TUBD1: variants seen among roughly 807,000 people sequenced by gnomAD.
TUBD1 encodes tubulin delta chain.
Under a neutral mutation model 51.2 loss-of-function variants are expected in TUBD1, and 38 were observed. The ratio of observed to expected loss-of-function variants is 0.74; its 90% CI spans 0.57 to 0.97. The LOEUF (loss-of-function observed/expected upper bound fraction) is 0.97, where lower values mean the gene tolerates loss of function less well. Among genes scored for constraint, TUBD1 ranks in the 50% least tolerant of loss-of-function variants. The pLI, the probability that TUBD1 is intolerant of heterozygous loss-of-function variation, is 0.00. For synonymous variants in TUBD1, 169 were observed against 178.2 expected (o/e 0.95, Z 0.41); for missense variants, 489 against 538.4 (o/e 0.91, Z 0.91).
chr17:59,885,684 G>C, intron 3 of TUBD1: 1 of 611,360 alleles, frequency 1.6e-6, no homozygotes, highest in East Asian at 2.9e-5. Flanking sequence ...ACAAAAATCA[G>C]AATCTCTCAA....
chr17:59,876,802 T>A (rs2040245089), intron 5 of TUBD1, among the ~76,000 whole-genome samples: 1 of 151,948 alleles, frequency 6.6e-6, no homozygotes, highest in Non-Finnish European at 1.5e-5. Flanking sequence ...AATGCATGAA[T>A]CACTAATTGT....
At chr17:59,861,357 CCTGG>C (rs1245746867) in intron 8 of TUBD1, among the ~76,000 whole-genome samples, 2 of 151,940 alleles carry the variant, frequency 1.3e-5, no homozygotes, top group East Asian at 3.9e-4. Context: ...TACCACCACA[CCTGG>C]CTAATTTTTG....
intron 3 of TUBD1, chr17:59,885,147 C>T (rs1363620773): frequency 2.8e-6 from 1 of 356,226 alleles, no homozygotes; most frequent in African/African-American, 2.1e-5. Flanking sequence ...TCCTAGGACG[C>T]CAAAAGGACA....
chr17:59,885,641 A>G, intron 3 of TUBD1: 1 of 723,112 alleles, frequency 1.4e-6, no homozygotes, highest in Non-Finnish European at 2.3e-6. Context: ...AATAAAACTC[A>G]GTGCTGTGGT....
At chr17:59,892,515 CTG>C (rs1176789127) in intron 1 of TUBD1, among the ~76,000 whole-genome samples, 180 bp downstream of exon 1, 7 of 152,204 alleles carry the variant, frequency 4.6e-5, no homozygotes, top group South Asian at 2.1e-4. Flanking sequence ...GAGACAGACT[CTG>C]TGCTTAAAAT....
intron 8 of TUBD1, 21 bp from the exon 9 acceptor site, chr17:59,860,445 A>AG (rs2039387165): frequency 1.5e-6 from 2 of 1,378,680 alleles, no homozygotes; most frequent in East Asian, 4.6e-5. Context: ...AAAAAAAAAA[A>AG]CAGAAATTAC....
At chr17:59,874,734 T>C (rs2040150168) in intron 5 of TUBD1, 31 bp from the exon 6 acceptor site, 1 of 1,582,344 alleles carries the variant, frequency 6.3e-7, no homozygotes, top group Non-Finnish European at 8.6e-7. Context: ...GAACTAATTT[T>C]TTTTTATTCT....
intron 8 of TUBD1, among the ~76,000 whole-genome samples, chr17:59,862,291 C>A (rs1742482654): frequency 6.7e-6 from 1 of 149,714 alleles, no homozygotes; most frequent in Non-Finnish European, 1.5e-5. Context: ...CCATTGCACT[C>A]CAGTCTGGGC....
intron 5 of TUBD1, among the ~76,000 whole-genome samples, 190 bp from the exon 6 acceptor site, chr17:59,874,893 T>C (rs1446934109): frequency 6.6e-6 from 1 of 152,102 alleles, no homozygotes; most frequent in Non-Finnish European, 1.5e-5. Context: ...TTTGCTTCAT[T>C]TTAGCACTGA....
intron 1 of TUBD1, among the ~76,000 whole-genome samples, chr17:59,891,541 G>T (rs532669381): frequency 1.3e-5 from 2 of 152,272 alleles, no homozygotes; most frequent in East Asian, 3.9e-4. Context: ...TCTCTACATG[G>T]TTTTGGGATT....
At chr17:59,888,110 T>C (rs1448586313) in intron 2 of TUBD1, among the ~76,000 whole-genome samples, 2 of 152,176 alleles carry the variant, frequency 1.3e-5, no homozygotes, top group Admixed American at 6.6e-5. Flanking sequence ...AATTTTTTTG[T>C]ATTTTTAGTA....
At chr17:59,872,920 C>T (rs376610643) in intron 6 of TUBD1, among the ~76,000 whole-genome samples, 4 of 151,912 alleles carry the variant, frequency 2.6e-5, no homozygotes, top group East Asian at 1.9e-4. Flanking sequence ...CCACCACGCC[C>T]GGCTAATTTT....
chr17:59,881,238 G>C (rs1337714423), intron 3 of TUBD1, 128 bp from the exon 4 acceptor site: 6 of 736,160 alleles, frequency 8.2e-6, no homozygotes, highest in Middle Eastern at 3.5e-4. Context: ...TCTCATGAAA[G>C]GTACAGGTAC....
In TUBD1 at chr17:59,867,311, T is replaced by C. The variant is rs79371966; in HGVS notation, c.935-562A>G. On this transcript the variant is annotated intron_variant, in intron 6 of 8. Coordinates refer to ENST00000325752, the MANE Select transcript of TUBD1 (RefSeq NM_016261.4). ...TTATCCTCTGATGTAGCTGGGACTA[T>C]AGGCATCATTTTTCCTGTTTAAAAG... 5.7e-4 allele frequency among the ~76,000 whole-genome samples: 86 copies of C among 152,198 alleles called. No homozygotes were observed. The East Asian group carries it at 7.4e-3, about 13-fold the overall frequency.
At chr17:59,872,724 G>C (rs1029592445) in intron 6 of TUBD1, among the ~76,000 whole-genome samples, 1 of 150,234 alleles carries the variant, frequency 6.7e-6, no homozygotes. Flanking sequence ...GTGTGTGTGT[G>C]TGTGTCTGTG....
rs1455533730 is a variant in TUBD1 at position 59,874,703 on chromosome 17, C to T, written c.770G>A (p.Gly257Glu). The T allele has an allele frequency of 1.3e-6, 2 of 1,599,572 alleles. No homozygotes were observed. The highest frequency in any genetic ancestry group is 1.1e-5 in the South Asian group (1 of 87,454). ...SSFHYRRNPL[G>E]DLMEHLVPHP... ...GGGAACTAAATGCTCCATTAAGTCTCCTGTAAAGAAAAAAAAATCTGAACT... is the reference window on the plus strand; with the variant it reads ...GGGAACTAAATGCTCCATTAAGTCTTCTGTAAAGAAAAAAAAATCTGAACT... Residue 257 changes from glycine to glutamate, a missense_variant and splice_region_variant, in exon 6 of 9, where the codon GGA (glycine) becomes GAA (glutamate). Coordinates refer to ENST00000325752, the MANE Select transcript of TUBD1 (RefSeq NM_016261.4).
At chr17:59,872,692 G>A (rs560702446) in intron 6 of TUBD1, among the ~76,000 whole-genome samples, 66 of 128,940 alleles carry the variant, frequency 5.1e-4, no homozygotes, top group South Asian at 1.8e-3. Flanking sequence ...ATGAAAATGG[G>A]AATGTGTGTG....
Position 59,892,896 on chromosome 17 carries a change from A to C in TUBD1, c.-239T>G, listed in dbSNP as rs937184864. ...TTCAATTTCAATTTACGAACTTCAG[A>C]TATGGTACGCATGCTCACTGTCCAC... On this transcript the variant is annotated 5_prime_UTR_variant, in exon 1 of 9. Coordinates refer to ENST00000325752, the MANE Select transcript of TUBD1 (RefSeq NM_016261.4). The C allele has an allele frequency of 4.8e-6, 2 of 420,700 alleles. No individual in the cohort carries two copies. The highest frequency in any genetic ancestry group is 4.2e-5 in the South Asian group (1 of 23,564). The allele number at this position is 420,700 out of a possible 1,614,324, so 26.1% of individuals were successfully genotyped here.
rs754101729 is a variant in TUBD1, at chr17:59,860,349, C to A, written c.1335G>T (p.Gln445His). The A allele has an allele frequency of 1.2e-5, 20 of 1,612,620 alleles. No individual in the cohort carries two copies. Among genetic ancestry groups the A allele is most frequent in the Non-Finnish European group, 1.0e-5 (12 of 1,179,364 alleles). Residue 445 changes from glutamine to histidine, a missense_variant, in exon 9 of 9, where the codon CAG becomes CAT. Physicochemically the swap from Gln to His is conservative, Grantham distance 24. Coordinates refer to ENST00000325752, the MANE Select transcript of TUBD1 (RefSeq NM_016261.4). ...DFLDSFTSLE[Q>H]VVASYCNL ...AGAGATTACAGTAACTGGCAACAAC[C>A]TGCTCTAATGACGTGAAACTGTCTA... is the stretch of plus-strand genomic sequence containing the variant.
Sources: allele counts gnomAD v4.1 joint callset (sites outside exome capture counted in the v4.1 genomes callset), GRCh38; gene constraint gnomAD v4.1.1; transcripts MANE v1.5; gene names NCBI Gene and HGNC (gene_info 2026-07-23, HGNC 2026-07-21).